Variants in CDK5RAP2 observed in about 807,000 individuals in gnomAD.
CDK5RAP2 encodes CDK5 regulatory subunit associated protein 2, also known as CDK5 regulatory subunit-associated protein 2.
In CDK5RAP2, 147 loss-of-function variants were observed where a neutral mutation model predicts 232.9. That is an observed-to-expected ratio of 0.63 (90% confidence interval 0.55 to 0.72). The LOEUF (loss-of-function observed/expected upper bound fraction) is 0.72. CDK5RAP2 is among the 30% of genes least tolerant of loss of function. The probability of loss-of-function intolerance (pLI) is 0.00; values close to 1 mark genes in which losing one functional copy is unlikely to be tolerated. For missense variants in CDK5RAP2, 2,195 were observed against 2,231.5 expected (o/e 0.98, Z 0.33); for synonymous variants, 833 against 833.7 (o/e 1.00, Z 0.01).
chr9:120,516,126 A>C (rs966685418), intron 12 of CDK5RAP2, among the ~76,000 whole-genome samples: 1 of 152,206 alleles, frequency 6.6e-6, no homozygotes, highest in Non-Finnish European at 1.5e-5. Flanking sequence ...CAAATGTCCA[A>C]CAATGATAGA....
At chr9:120,420,472 G>T (rs939027365) in intron 26 of CDK5RAP2, among the ~76,000 whole-genome samples, 1 of 152,048 alleles carries the variant, frequency 6.6e-6, no homozygotes, top group Non-Finnish European at 1.5e-5. Flanking sequence ...AAAACCATGA[G>T]ATGGCCTATG....
At chr9:120,558,509 T>C (rs979980077) in intron 3 of CDK5RAP2, among the ~76,000 whole-genome samples, 1 of 151,526 alleles carries the variant, frequency 6.6e-6, no homozygotes, top group Non-Finnish European at 1.5e-5. Flanking sequence ...TTTCCATCAT[T>C]CTTAGAATAA....
chr9:120,576,388 T>C (rs1044894053), intron 1 of CDK5RAP2, among the ~76,000 whole-genome samples: 1 of 152,150 alleles, frequency 6.6e-6, no homozygotes, highest in Non-Finnish European at 1.5e-5. Context: ...AACACATCAG[T>C]AGCCATTAAC....
chr9:120,580,047 C>T lies in CDK5RAP2; in HGVS notation c.-69G>A, dbSNP rs1165488612. On this transcript the variant is annotated 5_prime_UTR_variant, in exon 1 of 38. Coordinates refer to ENST00000349780, the MANE Select transcript of CDK5RAP2 (RefSeq NM_018249.6). ...CCACTAGTACCCCCCGCGATAGCGA[C>T]CCGCCGGGCTCCCCAGGTCCCCGCC... The T allele has an allele frequency of 2.0e-5, 20 of 1,013,876 alleles. No individual in the cohort carries two copies. The highest frequency in any genetic ancestry group is 3.1e-5 in the Non-Finnish European group (20 of 652,682). The allele number at this position is 1,013,876 out of a possible 1,614,324, so 62.8% of individuals were successfully genotyped here.
At chr9:120,415,841 A>G (rs2034180578) in intron 27 of CDK5RAP2, among the ~76,000 whole-genome samples, 1 of 152,222 alleles carries the variant, frequency 6.6e-6, no homozygotes, top group Non-Finnish European at 1.5e-5. Context: ...CGTTTGCCAG[A>G]ATGGAGGAAA....
chr9:120,563,953 G>T (rs1047911289), intron 3 of CDK5RAP2, among the ~76,000 whole-genome samples: 4 of 152,156 alleles, frequency 2.6e-5, no homozygotes, highest in African/African-American at 9.7e-5. Context: ...AGGGCAGGTG[G>T]GCATAAGATA....
intron 31 of CDK5RAP2, chr9:120,407,940 C>G: frequency 3.5e-6 from 1 of 286,522 alleles, no homozygotes; most frequent in Non-Finnish European, 6.9e-6. Flanking sequence ...AAGGTCATTT[C>G]CTGGGTGCCT....
At chr9:120,539,441 A>C (rs2041534024) in intron 5 of CDK5RAP2, among the ~76,000 whole-genome samples, 1 of 152,194 alleles carries the variant, frequency 6.6e-6, no homozygotes, top group Non-Finnish European at 1.5e-5. Flanking sequence ...CACATCAGTG[A>C]AGTGATCTTA....
In CDK5RAP2 at chr9:120,389,189, G is replaced by C. The variant is rs371900717; in HGVS notation, c.*47C>G. The C allele has an allele frequency of 6.6e-7, 1 of 1,505,134 alleles. No homozygotes were observed. Among genetic ancestry groups the C allele is most frequent in the Non-Finnish European group, 9.2e-7 (1 of 1,086,000 alleles). 93.2% of individuals were successfully genotyped at this position (1,505,134 alleles called of 1,614,324 possible). ...ACCACACTTGGAACAAAGAGACAGC[G>C]TGAGCTCGGTGGGGGAAGCACAAGC... On this transcript the variant is annotated 3_prime_UTR_variant, in exon 38 of 38. Transcript: ENST00000349780.
At chr9:120,448,399 G>A (rs1345403002) in intron 21 of CDK5RAP2, among the ~76,000 whole-genome samples, 1 of 152,188 alleles carries the variant, frequency 6.6e-6, no homozygotes, top group Non-Finnish European at 1.5e-5. Flanking sequence ...ATAAATGGCA[G>A]TTCTTCTTCC....
intron 1 of CDK5RAP2, among the ~76,000 whole-genome samples, chr9:120,576,810 T>C (rs1176414842): frequency 6.6e-6 from 1 of 152,094 alleles, no homozygotes; most frequent in East Asian, 1.9e-4. Context: ...GCACAGTGGC[T>C]TGTGTCTGTA....
At chr9:120,532,720 T>G (rs927493238) in intron 7 of CDK5RAP2, among the ~76,000 whole-genome samples, 1 of 152,174 alleles carries the variant, frequency 6.6e-6, no homozygotes, top group African/African-American at 2.4e-5. Flanking sequence ...GGAGTGCGCC[T>G]GGGACACAGC....
chr9:120,456,282 T>C (rs1394075692), intron 20 of CDK5RAP2, among the ~76,000 whole-genome samples: 1 of 152,192 alleles, frequency 6.6e-6, no homozygotes, highest in African/African-American at 2.4e-5. Context: ...TCTTTTTCCT[T>C]CTCACTTCGG....
At chr9:120,549,155 CAAA>C (rs35413563) in intron 4 of CDK5RAP2, among the ~76,000 whole-genome samples, 27 of 133,950 alleles carry the variant, frequency 2.0e-4, no homozygotes, top group Non-Finnish European at 1.8e-4. Context: ...GACTCTGTCT[CAAA>C]AAAAAAAAAA....
intron 12 of CDK5RAP2, among the ~76,000 whole-genome samples, chr9:120,494,694 TAGAAAA>T (rs2039074820): frequency 6.6e-6 from 1 of 150,946 alleles, no homozygotes; most frequent in Non-Finnish European, 1.5e-5. Flanking sequence ...GAAGGAAAGA[TAGAAAA>T]AGAAAATAAC....
At chr9:120,463,107 C>A (rs561454880) in intron 18 of CDK5RAP2, among the ~76,000 whole-genome samples, 130 of 152,232 alleles carry the variant, frequency 8.5e-4, no homozygotes, top group Non-Finnish European at 1.7e-3. Context: ...CACGGTGGCT[C>A]ACACCTGTAA....
chr9:120,554,411 G>A (rs2042150848), intron 3 of CDK5RAP2, among the ~76,000 whole-genome samples: 1 of 152,156 alleles, frequency 6.6e-6, no homozygotes, highest in Non-Finnish European at 1.5e-5. Flanking sequence ...CAAAGTCACT[G>A]TTCAAGCTCA....
At chr9:120,405,054 C>T (rs139816918) in intron 32 of CDK5RAP2, among the ~76,000 whole-genome samples, 1 of 152,288 alleles carries the variant, frequency 6.6e-6, no homozygotes, top group African/African-American at 2.4e-5. Flanking sequence ...ATCCCCCTTC[C>T]GAGCTCCTGC....
chr9:120,492,503 A>T (rs549905597), intron 12 of CDK5RAP2, among the ~76,000 whole-genome samples: 2 of 152,348 alleles, frequency 1.3e-5, no homozygotes, highest in East Asian at 3.8e-4. Context: ...CGTTGCAATC[A>T]TTTAAACGTT....
Sources: gnomAD v4.1 joint callset for allele counts (sites outside exome capture counted in the v4.1 genomes callset) on GRCh38, gnomAD v4.1.1 for gene constraint, MANE v1.5 for transcripts, NCBI Gene and HGNC (gene_info 2026-07-23, HGNC 2026-07-21) for gene names.